MYT1L: variants seen among roughly 807,000 people sequenced by gnomAD.
MYT1L encodes myelin transcription factor 1-like protein.
MYT1L carries 12 observed loss-of-function variants against 126.7 expected under a neutral mutation model. The observed-to-expected ratio is 0.09, with a 90% CI of 0.06 to 0.15. MYT1L has a LOEUF of 0.15. Among genes scored for constraint, MYT1L ranks in the 10% least tolerant of loss-of-function variants. The pLI is 1.00. For synonymous variants in MYT1L, 541 were observed against 604.2 expected (o/e 0.90, Z 1.53); for missense variants, 979 against 1,585.2 (o/e 0.62, Z 6.49).
chr2:2,071,000 T>C lies in MYT1L; in HGVS notation c.-303-16877A>G, dbSNP rs1020991802. Among the ~76,000 whole-genome samples the C allele has an allele frequency of 2.0e-5, 3 of 152,166 alleles. No homozygotes were observed. The East Asian group carries it at 5.8e-4, about 29-fold the overall frequency. ...TACAAGGTAAGAATGATTATCCTAGTAGCTGTGTTAATAATAGTGGGGAAA... is the reference window on the plus strand; with the variant it reads ...TACAAGGTAAGAATGATTATCCTAGCAGCTGTGTTAATAATAGTGGGGAAA... On this transcript the variant is annotated intron_variant, in intron 3 of 24. Coordinates refer to ENST00000647738, the MANE Select transcript of MYT1L (RefSeq NM_001303052.2).
chr2:1,953,596 C>T (rs924639136), intron 8 of MYT1L, among the ~76,000 whole-genome samples: 1 of 152,212 alleles, frequency 6.6e-6, no homozygotes, highest in Non-Finnish European at 1.5e-5. Context: ...GTGTGCTTAT[C>T]TTATTGTCTC....
chr2:2,049,581 T>C (rs1342036789), intron 4 of MYT1L, among the ~76,000 whole-genome samples: 2 of 152,222 alleles, frequency 1.3e-5, no homozygotes, highest in Non-Finnish European at 2.9e-5. Flanking sequence ...AATAGACAGA[T>C]AGACAAGGTT....
intron 13 of MYT1L, among the ~76,000 whole-genome samples, chr2:1,907,442 A>G (rs2051239404): frequency 1.3e-5 from 2 of 152,232 alleles, no homozygotes; most frequent in African/African-American, 4.8e-5. Context: ...GCCTGGGACC[A>G]GATCAGCCCA....
In MYT1L at chr2:1,979,363, G is replaced by C; in HGVS notation, c.90-136C>G. 1 of 1,102,214 alleles carries C rather than the reference G, an allele frequency of 9.1e-7. No individual in the cohort carries two copies. Among genetic ancestry groups the C allele is most frequent in the Admixed American group, 2.0e-5 (1 of 50,678 alleles). The allele number at this position is 1,102,214 out of a possible 1,614,324, so 68.3% of individuals were successfully genotyped here. ...ACAATCCAAAGGAGGGGGAAATTCG[G>C]GGAGGCTTTTTACGAGCAAGTCTCG... On this transcript the variant is annotated intron_variant, in intron 7 of 24. Transcript: ENST00000647738. This position sits in a 1 kb window ranked among gnomAD's most constrained non-coding sequence, Gnocchi z 4.0.
chr2:1,884,562 T>C (rs2047945349), intron 18 of MYT1L, among the ~76,000 whole-genome samples: 1 of 152,186 alleles, frequency 6.6e-6, no homozygotes, highest in African/African-American at 2.4e-5. Context: ...ATTGAAACAT[T>C]AGTGTTTTTA....
At chr2:2,232,892 T>G (rs2094193882) in intron 2 of MYT1L, among the ~76,000 whole-genome samples, 1 of 152,172 alleles carries the variant, frequency 6.6e-6, no homozygotes, top group South Asian at 2.1e-4. Flanking sequence ...TTGTACTGCC[T>G]CTGGGTTGAT....
intron 1 of MYT1L, among the ~76,000 whole-genome samples, chr2:2,314,831 A>G (rs1204114855): frequency 2.6e-5 from 4 of 152,224 alleles, no homozygotes; most frequent in Non-Finnish European, 5.9e-5. Context: ...AAACAGACAC[A>G]TAGAGCAATG....
intron 21 of MYT1L, among the ~76,000 whole-genome samples, chr2:1,835,356 C>T: frequency 6.6e-6 from 1 of 152,236 alleles, no homozygotes; most frequent in South Asian, 2.1e-4. Flanking sequence ...TGTTGAATAT[C>T]TCATGTAATT....
intron 21 of MYT1L, among the ~76,000 whole-genome samples, chr2:1,838,598 C>A (rs1331154837): frequency 6.6e-6 from 1 of 152,190 alleles, no homozygotes; most frequent in African/African-American, 2.4e-5. Context: ...TCACTCCCCG[C>A]AGAGGGACCG....
At chr2:1,987,959 T>C (rs1308568423) in intron 5 of MYT1L, among the ~76,000 whole-genome samples, 3 of 152,198 alleles carry the variant, frequency 2.0e-5, no homozygotes, top group Non-Finnish European at 4.4e-5. Flanking sequence ...TTTTGGTCAA[T>C]GTTTAATAAT....
intron 1 of MYT1L, chr2:2,325,621 T>C (rs2096236815): frequency 6.6e-6 from 1 of 152,168 alleles, no homozygotes; most frequent in Admixed American, 6.5e-5. Flanking sequence ...ACCATACCGT[T>C]TCACTCTCTG....
At chr2:2,034,186 A>G (rs2066745321) in intron 4 of MYT1L, among the ~76,000 whole-genome samples, 1 of 152,160 alleles carries the variant, frequency 6.6e-6, no homozygotes, top group Non-Finnish European at 1.5e-5. Flanking sequence ...GTCGGTATCG[A>G]CACAATTCAG....
intron 3 of MYT1L, among the ~76,000 whole-genome samples, chr2:2,160,518 G>A (rs899109480): frequency 1.3e-5 from 2 of 152,216 alleles, no homozygotes; most frequent in Non-Finnish European, 2.9e-5. Flanking sequence ...GCCATGAGGT[G>A]AGAGGGTTGA....
intron 22 of MYT1L, among the ~76,000 whole-genome samples, chr2:1,807,327 C>G (rs2035876938): frequency 6.6e-6 from 1 of 152,298 alleles, no homozygotes; most frequent in Admixed American, 6.5e-5. Context: ...CCACCAATAA[C>G]AGTCAGATGA....
chr2:1,972,805 G>C (rs1295437284), intron 8 of MYT1L, among the ~76,000 whole-genome samples: 1 of 152,240 alleles, frequency 6.6e-6, no homozygotes, highest in Non-Finnish European at 1.5e-5. Context: ...CCGCAAGCCA[G>C]AGGGACCCCA....
In MYT1L at chr2:2,262,939, G is replaced by GATATAT. The variant is rs60682131; in HGVS notation, c.-421+21459_-421+21464dup. Among the ~76,000 whole-genome samples, 17 of 51,994 alleles carry GATATAT rather than the reference G, an allele frequency of 3.3e-4. 1 individual carries two copies. The East Asian group carries it at 6.8e-3, about 21-fold the overall frequency. The allele number at this position is 51,994 out of a possible 152,430, so 34.1% of individuals were successfully genotyped here. A position where few individuals can be genotyped will look rare whatever the true frequency, so the allele number is the denominator to read the frequency against. ...AAATATATATATATATATAACCTGT[G>GATATAT]ATATATATATATATATCACAGGTAA... On this transcript the variant is annotated intron_variant, in intron 2 of 24. Coordinates refer to ENST00000647738, the MANE Select transcript of MYT1L (RefSeq NM_001303052.2).
chr2:2,106,178 T>C (rs1335021057), intron 3 of MYT1L, among the ~76,000 whole-genome samples: 1 of 152,168 alleles, frequency 6.6e-6, no homozygotes, highest in East Asian at 1.9e-4. Flanking sequence ...CGAGCTTCCT[T>C]TGGAAGCCTT....
chr2:1,861,892 C>T (rs79311649), intron 18 of MYT1L, among the ~76,000 whole-genome samples: 24 of 136,750 alleles, frequency 1.8e-4, no homozygotes, highest in African/African-American at 2.4e-4. Context: ...ATCCTGGATC[C>T]TCCTACAGCC....
chr2:2,185,554 T>G (rs9679674), intron 2 of MYT1L, among the ~76,000 whole-genome samples: 2 of 85,608 alleles, frequency 2.3e-5, no homozygotes, highest in East Asian at 7.8e-4. Context: ...CCGGGCCTCC[T>G]CGAGTCCCGC....
Sources: gnomAD v4.1 joint callset for allele counts (sites outside exome capture counted in the v4.1 genomes callset) on GRCh38, gnomAD v4.1.1 for gene constraint, Gnocchi (gnomAD v3.1) non-coding constraint, MANE v1.5 for transcripts, NCBI Gene and HGNC (gene_info 2026-07-23, HGNC 2026-07-21) for gene names.